The following IQCE variants were observed in gnomAD, a reference collection of about 807,000 sequenced individuals.
IQCE encodes the protein IQ domain-containing protein E.
A neutral mutation model predicts 96.0 loss-of-function variants in IQCE; 115 were observed. The ratio of observed to expected loss-of-function variants is 1.20; its 90% CI spans 1.03 to 1.40. IQCE has a LOEUF of 1.40. Ranked by LOEUF, IQCE falls within the 40% of genes most tolerant of loss-of-function variation. The probability of loss-of-function intolerance (pLI) is 0.00; values close to 1 mark genes in which losing one functional copy is unlikely to be tolerated. For missense variants in IQCE, 1,041 were observed against 909.1 expected, an observed-to-expected ratio of 1.15 and a Z score of -1.87; for synonymous variants, 412 against 371.2, an observed-to-expected ratio of 1.11 and a Z score of -1.26.
intron 10 of IQCE, 91 bp from the exon 11 acceptor site, chr7:2,584,145 C>A (rs1782914856): frequency 1.8e-6 from 2 of 1,115,902 alleles, no homozygotes; most frequent in African/African-American, 1.5e-5. Flanking sequence ...TGGCCGTAGG[C>A]AGCGGTCAGG....
At position 2,570,156 on chromosome 7, in the gene IQCE, C is replaced by T. The variant is rs149335826; in HGVS notation, c.130+1157C>T. Among the ~76,000 whole-genome samples, 267 of 152,284 alleles carry T rather than the reference C, an allele frequency of 1.8e-3. 3 individuals are homozygous for T. The highest frequency in any genetic ancestry group is 6.1e-3 in the African/African-American group (253 of 41,546). On this transcript the variant is annotated intron_variant, in intron 3 of 21. Coordinates refer to ENST00000402050, the MANE Select transcript of IQCE (RefSeq NM_152558.5). ...CCCACCACGTTCCGAGGCTTTTCAT[C>T]GTCCTGGTCACTCTGCCAGGAGGGC...
intron 12 of IQCE, among the ~76,000 whole-genome samples, chr7:2,587,607 G>A (rs966987627): frequency 1.3e-5 from 2 of 152,142 alleles, no homozygotes; most frequent in African/African-American, 4.8e-5. Flanking sequence ...CTTGGAGGCT[G>A]TTAATACAGA....
chr7:2,572,150 T>G (rs140055576), intron 4 of IQCE, 42 bp from the exon 5 acceptor site: 2 of 1,577,466 alleles, frequency 1.3e-6, no homozygotes, highest in African/African-American at 2.7e-5. Flanking sequence ...CCATTGTGTG[T>G]GCTTGTATCT....
rs1452773965 is a variant in IQCE, at chr7:2,604,892, G to A, written c.1644G>A (p.Val548=). ...TCCTTCCCTGACAGGCGGCTGTGGTGCTTCAGGCAGCTTTCAGGGGACATC... is the reference window on the plus strand; with the variant it reads ...TCCTTCCCTGACAGGCGGCTGTGGTACTTCAGGCAGCTTTCAGGGGACATC... The part of the protein sequence containing the change: ...KKAVLDEAAV[V]LQAAFRGHLT... Residue 548 remains valine, a synonymous_variant, in exon 19 of 22, where the codon GTG becomes GTA. Coordinates refer to ENST00000402050, the MANE Select transcript of IQCE (RefSeq NM_152558.5). 1.9e-6 allele frequency: 3 copies of A among 1,613,458 alleles called. No individual in the cohort carries two copies. In the South Asian group the frequency reaches 3.3e-5, roughly 18 times the overall value.
intron 1 of IQCE, among the ~76,000 whole-genome samples, chr7:2,560,437 G>A (rs1255761133): frequency 1.3e-5 from 2 of 152,130 alleles, no homozygotes; most frequent in Non-Finnish European, 2.9e-5. Flanking sequence ...GAGACCACAG[G>A]GTTCAGCACA....
At chr7:2,567,694 C>A (rs1446683871) in intron 2 of IQCE, among the ~76,000 whole-genome samples, 4 of 152,208 alleles carry the variant, frequency 2.6e-5, no homozygotes, top group Admixed American at 2.0e-4. Context: ...TTGCTCTTCT[C>A]GTGTATGAGC....
chr7:2,582,736 G>A (rs575672063), intron 9 of IQCE, 86 bp downstream of exon 9: 64 of 1,189,340 alleles, frequency 5.4e-5, no homozygotes, highest in Non-Finnish European at 6.9e-5. Flanking sequence ...CCCCCACCCC[G>A]TCCTGTGTCC....
At position 2,583,641 on chromosome 7, in the gene IQCE, C is replaced by T; in HGVS notation, c.706C>T (p.Leu236Phe). 1.9e-6 allele frequency: 3 copies of T among 1,594,834 alleles called. No individual in the cohort carries two copies. The highest frequency in any genetic ancestry group is 1.1e-5 in the South Asian group (1 of 90,660). The change falls in exon 10 of 22, where the codon CTC becomes TTC. Residue 236 changes from leucine to phenylalanine, a missense_variant. Transcript: ENST00000402050. ...ACGCTGAACTTGGGTTTTCAGCAAA[C>T]TCCAGACCGATATGAAGACTACCAA... ...CKEKDGTISK[L>F]QTDMKTTNLE... is the part of the protein sequence containing the mutation.
intron 14 of IQCE, among the ~76,000 whole-genome samples, chr7:2,590,671 C>T (rs1448403383): frequency 2.0e-5 from 3 of 152,018 alleles, no homozygotes; most frequent in Non-Finnish European, 4.4e-5. Context: ...GAGGCCAAGG[C>T]AGAGGATCAC....
intron 12 of IQCE, 95 bp from the exon 13 acceptor site, chr7:2,587,727 C>A: frequency 7.9e-7 from 1 of 1,262,586 alleles, no homozygotes; most frequent in Non-Finnish European, 1.2e-6. Flanking sequence ...GCTGCTCCGG[C>A]TGCGGAAGAG....
intron 19 of IQCE, 144 bp downstream of exon 19, chr7:2,605,135 A>C: frequency 1.6e-6 from 1 of 628,812 alleles, no homozygotes; most frequent in Non-Finnish European, 2.8e-6. Context: ...ATCCCTGGCC[A>C]CGCAGGCCAT....
rs1316975010 is a variant in IQCE, at chr7:2,613,983, TAAG to T, written c.*3826_*3828del. The T allele has an allele frequency of 6.6e-6, 1 of 152,194 alleles. No homozygotes were observed. Among genetic ancestry groups the T allele is most frequent in the Non-Finnish European group, 1.5e-5 (1 of 68,038 alleles). The allele number at this position is 152,194 out of a possible 1,614,324, so 9.4% of individuals were successfully genotyped here. A position where few individuals can be genotyped will look rare whatever the true frequency, so the allele number is the denominator to read the frequency against. ...TTTCTTTGCTCGTTTGTCTGTGTAT[TAAG>T]AAGAGACTAAAATAGCCAAACGACG... On this transcript the variant is annotated 3_prime_UTR_variant, in exon 22 of 22. Coordinates refer to ENST00000402050, the MANE Select transcript of IQCE (RefSeq NM_152558.5).
chr7:2,562,731 C>T, intron 1 of IQCE, among the ~76,000 whole-genome samples: 1 of 150,770 alleles, frequency 6.6e-6, no homozygotes, highest in African/African-American at 2.4e-5. Flanking sequence ...TTTCTATTTT[C>T]TATTTCATTT....
intron 6 of IQCE, among the ~76,000 whole-genome samples, chr7:2,576,649 T>A (rs1782143991): frequency 1.3e-5 from 2 of 152,104 alleles, no homozygotes; most frequent in Non-Finnish European, 2.9e-5. Context: ...TCCACCCACC[T>A]CGGCCTCTTA....
intron 21 of IQCE, 110 bp from the exon 22 acceptor site, chr7:2,609,934 G>C: frequency 1.5e-6 from 1 of 677,160 alleles, no homozygotes; most frequent in East Asian, 2.5e-5. Flanking sequence ...GCTTCTCGGG[G>C]TGGCTGCCGT....
intron 14 of IQCE, among the ~76,000 whole-genome samples, chr7:2,591,004 G>A (rs957130071): frequency 7.9e-5 from 12 of 152,158 alleles, no homozygotes; most frequent in African/African-American, 2.7e-4. Context: ...TGTAATCCCA[G>A]CACTTTGGGA....
rs761442647 is a variant in IQCE, at chr7:2,578,303, A to T, written c.527A>T (p.Glu176Val). 15 of 1,613,622 alleles carry T rather than the reference A, an allele frequency of 9.3e-6. No individual in the cohort carries two copies. The highest frequency in any genetic ancestry group is 3.3e-4 in the Middle Eastern group (2 of 6,080). ...AGAACGAAGCTCCGGCGCCTGGAGG[A>T]GGAAAACAGCAGGAAGGACCGGCAG... ...LMRTKLRRLE[E>V]ENSRKDRQIE... The change falls in exon 7 of 22, where the codon GAG becomes GTG. Residue 176 changes from glutamate (E) to valine (V), a missense_variant. Coordinates refer to ENST00000402050, the MANE Select transcript of IQCE (RefSeq NM_152558.5).
rs534999093 is a variant in IQCE, at chr7:2,611,266, C to T, written c.*1104C>T. On this transcript the variant is annotated 3_prime_UTR_variant, in exon 22 of 22. Transcript: ENST00000402050. ...GTGAGATTAGCCCTTGCTGGGGCGT[C>T]AAGAGGAAGAGCCTTAGACCTGGGC... 2.0e-5 allele frequency: 3 copies of T among 152,476 alleles called. No homozygotes were observed. The highest frequency in any genetic ancestry group is 2.1e-4 in the South Asian group (1 of 4,834). The allele number at this position is 152,476 out of a possible 1,614,324, so 9.4% of individuals were successfully genotyped here.
chr7:2,574,357 T>C (rs1456688699), intron 6 of IQCE, among the ~76,000 whole-genome samples: 2 of 152,218 alleles, frequency 1.3e-5, no homozygotes, highest in Non-Finnish European at 2.9e-5. Context: ...GGGAAGAAAC[T>C]GGGGAACCTG....
Sources: allele counts gnomAD v4.1 joint callset (sites outside exome capture counted in the v4.1 genomes callset), GRCh38; gene constraint gnomAD v4.1.1; transcripts MANE v1.5; gene names NCBI Gene and HGNC (gene_info 2026-07-23, HGNC 2026-07-21).